The following SH3D21 variants were observed in gnomAD, a reference collection of about 807,000 sequenced individuals.
SH3D21 encodes SH3 domain-containing protein 21.
SH3D21 carries 83 observed loss-of-function variants against 82.1 expected under a neutral mutation model. The observed-to-expected ratio is 1.01, with a 90% confidence interval of 0.85 to 1.21. The LOEUF (loss-of-function observed/expected upper bound fraction) is 1.21. Among genes scored for constraint, SH3D21 ranks in the 50% most tolerant of loss-of-function variants. The pLI, the probability that SH3D21 is intolerant of heterozygous loss-of-function variation, is 0.00. For synonymous variants in SH3D21, 383 were observed against 387.8 expected (o/e 0.99, Z 0.15); for missense variants, 980 against 962.1 (o/e 1.02, Z -0.25).
At chr1:36,318,601 C>T (rs1055883945) in intron 10 of SH3D21, among the ~76,000 whole-genome samples, 6 of 151,388 alleles carry the variant, frequency 4.0e-5, no homozygotes, top group African/African-American at 7.3e-5. Flanking sequence ...GGTGAAACCC[C>T]GTCTCTACTA....
At position 36,320,183 on chromosome 1, in the gene SH3D21, C is replaced by T; in HGVS notation, c.1520C>T (p.Ser507Phe). ...GATGACATTCAATTCCATCACTTCT[C>T]TTCGGAGGAAGCCCTGCAGAAGGTC... Reference protein sequence around the residue: ...TRDDIQFHHFSSEEALQKVKY... With the variant: ...TRDDIQFHHFFSEEALQKVKY... The change falls in exon 14 of 16, where the codon TCT (serine) becomes TTT (phenylalanine). Residue 507 changes from serine to phenylalanine, a missense_variant. Physicochemically the swap from Ser to Phe is radical, Grantham distance 155. Coordinates refer to ENST00000453908, the MANE Select transcript of SH3D21 (RefSeq NM_001162530.2). The T allele has an allele frequency of 1.2e-6, 2 of 1,613,608 alleles. No individual in the cohort carries two copies. The highest frequency in any genetic ancestry group is 2.7e-5 in the African/African-American group (2 of 75,048).
At chr1:36,328,347 C>T (rs1646564613), downstream of SH3D21, 3 of 360,784 alleles carry the variant, frequency 8.3e-6, no homozygotes, top group Non-Finnish European at 1.6e-5. Context: ...CTCACCCTAC[C>T]ACGGGGATAG....
chr1:36,309,677 T>A (rs1646199419), intron 10 of SH3D21, 87 bp downstream of exon 10: 4 of 1,444,558 alleles, frequency 2.8e-6, no homozygotes, highest in Admixed American at 2.0e-5. Flanking sequence ...AGCACCCCAG[T>A]GGTCCAGTAT....
rs1207014644 is a variant in SH3D21 at position 36,313,967 on chromosome 1, A to ATTTTTTTTTTTT, written c.769+4381_769+4382insTTTTTTTTTTTT. On this transcript the variant is annotated intron_variant, in intron 10 of 15. Transcript: ENST00000453908. Reference sequence around the variant, plus strand: ...TCTGATGGCTAATGATGCTGAACATATTTTCTTTTTTTTTTTTTTTTTTTT... The same window carrying ATTTTTTTTTTTT: ...TCTGATGGCTAATGATGCTGAACATATTTTTTTTTTTTTTTTCTTTTTTTTTTTTTTTTTTTT... Among the ~76,000 whole-genome samples, 83 of 36,910 alleles carry ATTTTTTTTTTTT rather than the reference A, an allele frequency of 2.2e-3. 1 individual carries two copies. Among genetic ancestry groups the ATTTTTTTTTTTT allele is most frequent in the Non-Finnish European group, 3.8e-3 (61 of 15,954 alleles). The allele number at this position is 36,910 out of a possible 152,430, so 24.2% of individuals were successfully genotyped here.
In SH3D21 at chr1:36,306,653, G is replaced by C. The variant is rs1646127517; in HGVS notation, c.60G>C (p.Ala20=). ...AGAAGGAGGACGAGCTGAGTCTGGC[G>C]CCCGGGGACGTGGTCCGGCAGGTGC... ...RAQKEDELSL[A]PGDVVRQVRW... Residue 20 remains alanine, a synonymous_variant, in exon 2 of 16, where the codon GCG becomes GCC. Transcript: ENST00000453908. This position sits in a 1 kb window ranked among gnomAD's most constrained non-coding sequence, Gnocchi z 4.5. The C allele has an allele frequency of 1.5e-6, 2 of 1,300,738 alleles. No homozygotes were observed. The highest frequency in any genetic ancestry group is 1.0e-6 in the Non-Finnish European group (1 of 988,478). The allele number at this position is 1,300,738 out of a possible 1,614,324, so 80.6% of individuals were successfully genotyped here.
chr1:36,315,800 G>A (rs1469031905), intron 10 of SH3D21, among the ~76,000 whole-genome samples: 1 of 152,144 alleles, frequency 6.6e-6, no homozygotes, highest in Non-Finnish European at 1.5e-5. Flanking sequence ...TGCACCTCTA[G>A]TTTACAAATT....
In SH3D21 at chr1:36,320,369, G is replaced by C; in HGVS notation, c.1706G>C (p.Gly569Ala). 1 of 1,613,460 alleles carries C rather than the reference G, an allele frequency of 6.2e-7. No individual in the cohort carries two copies. Among genetic ancestry groups the C allele is most frequent in the Non-Finnish European group, 8.5e-7 (1 of 1,179,992 alleles). ...SSPRQAELKS[G>A]PASRPALEKP... The stretch of plus-strand genomic sequence containing the variant: ...CCACGCCAGGCTGAGTTGAAGTCTG[G>C]GCCAGCATCCAGGCCTGCCCTTGAG... Residue 569 changes from glycine (G) to alanine (A), a missense_variant, in exon 14 of 16, where the codon GGG becomes GCG. Coordinates refer to ENST00000453908, the MANE Select transcript of SH3D21 (RefSeq NM_001162530.2).
chr1:36,322,760 C>T, downstream of SH3D21: 1 of 1,537,106 alleles, frequency 6.5e-7, no homozygotes, highest in African/African-American at 1.4e-5. Flanking sequence ...CGGAGAGGCC[C>T]GGACGGGTGG....
At chr1:36,312,230 A>G (rs982635979) in intron 10 of SH3D21, among the ~76,000 whole-genome samples, 3 of 151,330 alleles carry the variant, frequency 2.0e-5, no homozygotes, top group East Asian at 2.0e-4. Flanking sequence ...TCACCATGTT[A>G]GCCAGGATGG....
At position 36,307,303 on chromosome 1, in the gene SH3D21, G is replaced by A; in HGVS notation, c.345+18G>A. 1 of 1,551,748 alleles carries A rather than the reference G, an allele frequency of 6.4e-7. No homozygotes were observed. Among genetic ancestry groups the A allele is most frequent in the East Asian group, 2.4e-5 (1 of 40,920 alleles). ...TAAAGGAGGTGAGGGGTGAGGTGAT[G>A]GGACCGTTTGGGGGAGGATGATGGA... On this transcript the variant is annotated intron_variant, in intron 4 of 15. Coordinates refer to ENST00000453908, the MANE Select transcript of SH3D21 (RefSeq NM_001162530.2). The surrounding 1 kb of genome is among the most constrained non-coding windows in gnomAD (Gnocchi z 5.4).
chr1:36,318,633 C>T (rs1024501656), intron 10 of SH3D21, among the ~76,000 whole-genome samples: 10 of 151,840 alleles, frequency 6.6e-5, no homozygotes, highest in Non-Finnish European at 1.5e-4. Context: ...ATTGGCCGGG[C>T]GCAGTGGCTC....
In SH3D21 at chr1:36,307,341, A is replaced by C. The variant is rs1490874648; in HGVS notation, c.345+56A>C. 1.3e-6 allele frequency: 2 copies of C among 1,544,172 alleles called. No homozygotes were observed. The highest frequency in any genetic ancestry group is 1.8e-6 in the Non-Finnish European group (2 of 1,140,932). On this transcript the variant is annotated intron_variant, in intron 4 of 15. Transcript: ENST00000453908. The surrounding 1 kb of genome is among the most constrained non-coding windows in gnomAD (Gnocchi z 5.4). ...GGAGGATGATGGAACGCGCCTCCCT[A>C]GTGAGCGGGGTGGGAAGTGAGGGTG...
rs759718732 is a variant in SH3D21, at chr1:36,320,497, CTG to C, written c.1835_1836del (p.Leu612GlnfsTer25). The C allele has an allele frequency of 1.2e-6, 2 of 1,614,152 alleles. No individual in the cohort carries two copies. Among genetic ancestry groups the C allele is most frequent in the African/African-American group, 2.7e-5 (2 of 75,026 alleles). On this transcript the variant is annotated frameshift_variant, in exon 14 of 16. Transcript: ENST00000453908. LOFTEE classifies it high-confidence loss of function. ...GGCGCCCCCCAACGAGCAGAGGCCT[CTG>C]AGAGAGGAGGTGCTCCCCAAAGAGG... ...EEAPPNEQRP[L>X]REEVLPKEGV...
At chr1:36,312,534 A>G (rs934686842) in intron 10 of SH3D21, among the ~76,000 whole-genome samples, 2 of 152,190 alleles carry the variant, frequency 1.3e-5, no homozygotes, top group Non-Finnish European at 2.9e-5. Flanking sequence ...TTTCCTGTGA[A>G]GACAGACATA....
chr1:36,313,965 ATATTT>A (rs1557477845), intron 10 of SH3D21, among the ~76,000 whole-genome samples: 1 of 56,280 alleles, frequency 1.8e-5, no homozygotes, highest in African/African-American at 5.1e-5. Context: ...GATGCTGAAC[ATATTT>A]TCTTTTTTTT....
chr1:36,323,154 G>A, downstream of SH3D21: 1 of 1,194,326 alleles, frequency 8.4e-7, no homozygotes, highest in Non-Finnish European at 1.2e-6. Flanking sequence ...CGGGAGCCGC[G>A]GGCCCAGGTT....
chr1:36,317,611 G>A (rs1646366481), intron 10 of SH3D21, among the ~76,000 whole-genome samples: 1 of 152,138 alleles, frequency 6.6e-6, no homozygotes, highest in African/African-American at 2.4e-5. Context: ...CGCCCAGGCT[G>A]GAGTCCAGTG....
rs1015655775 is a variant in SH3D21 at position 36,307,772 on chromosome 1, C to T, written c.439C>T (p.Leu147Phe). The change falls in exon 6 of 16, where the codon CTT becomes TTT. Residue 147 changes from leucine (L) to phenylalanine (F), a missense_variant and splice_region_variant. Leu to Phe is a conservative substitution (Grantham distance 22). Transcript: ENST00000453908. This position sits in a 1 kb window ranked among gnomAD's most constrained non-coding sequence, Gnocchi z 5.4. Reference sequence around the variant, plus strand: ...CTAACCTCACTGTCCCCCACTAGGCCTTGGTAACCCAGACATGCCTTCAGT... The same window carrying T: ...CTAACCTCACTGTCCCCCACTAGGCTTTGGTAACCCAGACATGCCTTCAGT... ...VELLDSGPPS[L>F]GNPDMPSVSP... is the part of the protein sequence containing the mutation. The T allele has an allele frequency of 1.9e-6, 3 of 1,551,770 alleles. No homozygotes were observed. Among genetic ancestry groups the T allele is most frequent in the African/African-American group, 1.4e-5 (1 of 73,168 alleles).
chr1:36,327,516 T>C (rs142962595), downstream of SH3D21, among the ~76,000 whole-genome samples: 1 of 152,362 alleles, frequency 6.6e-6, no homozygotes, highest in Non-Finnish European at 1.5e-5. Context: ...TCAAGCTGTT[T>C]CCATGCACCT....
Sources: allele counts gnomAD v4.1 joint callset (sites outside exome capture counted in the v4.1 genomes callset), GRCh38; gene constraint gnomAD v4.1.1; non-coding constraint Gnocchi (gnomAD v3.1); transcripts MANE v1.5; gene names NCBI Gene and HGNC (gene_info 2026-07-23, HGNC 2026-07-21).